Variants in LRRC37A2 observed in about 807,000 individuals in gnomAD.
LRRC37A2 encodes the protein leucine-rich repeat-containing protein 37A2.
A neutral mutation model predicts 68.8 loss-of-function variants in LRRC37A2; 9 were observed. The ratio of observed to expected loss-of-function variants is 0.13; its 90% CI spans 0.08 to 0.23. The LOEUF (loss-of-function observed/expected upper bound fraction) is 0.23, where lower values mean the gene tolerates loss of function less well. Among genes scored for constraint, LRRC37A2 ranks in the 10% least tolerant of loss-of-function variants. LRRC37A2 has a pLI of 1.00. For synonymous variants in LRRC37A2, 63 were observed against 367.6 expected (o/e 0.17, Z 9.48); for missense variants, 168 against 950.4 (o/e 0.18, Z 10.82).
chr17:46,777,084 C>G, the LRRC37A2 span, among the ~76,000 whole-genome samples: 2 of 152,238 alleles, frequency 1.3e-5, no homozygotes, highest in Non-Finnish European at 2.9e-5. Flanking sequence ...GTGGCTCACG[C>G]CTGTAATCCC....
the LRRC37A2 span, chr17:46,757,076 G>C: frequency 6.6e-6 from 1 of 152,210 alleles, no homozygotes; most frequent in Non-Finnish European, 1.5e-5. Context: ...CACCCATGAG[G>C]CTTGTGGCCA....
the LRRC37A2 span, among the ~76,000 whole-genome samples, chr17:46,808,396 C>G: frequency 6.6e-6 from 1 of 152,232 alleles, no homozygotes; most frequent in African/African-American, 2.4e-5. Context: ...CAAGTGTAAA[C>G]TTGTCTCAAA....
chr17:46,713,961 C>T, the LRRC37A2 span: 8 of 1,604,978 alleles, frequency 5.0e-6, no homozygotes, highest in Non-Finnish European at 4.2e-6. Flanking sequence ...TTTTCTGAAA[C>T]AGCCAAATGT....
chr17:46,951,712 A>G, the LRRC37A2 span, among the ~76,000 whole-genome samples: 1 of 151,936 alleles, frequency 6.6e-6, no homozygotes, highest in African/African-American at 2.4e-5. Context: ...CCCCAAAGTC[A>G]GATAGTGACA....
chr17:46,905,080 T>C, the LRRC37A2 span, among the ~76,000 whole-genome samples: 2 of 145,282 alleles, frequency 1.4e-5, no homozygotes, highest in Admixed American at 1.4e-4. Flanking sequence ...TTTTTTTTTC[T>C]TTTTTTTTTG....
the LRRC37A2 span, among the ~76,000 whole-genome samples, chr17:46,838,487 C>G: frequency 6.6e-6 from 1 of 151,922 alleles, no homozygotes; most frequent in African/African-American, 2.4e-5. Context: ...ATTAGCTGGG[C>G]ATGGTGGTAT....
chr17:46,737,639 G>T, the LRRC37A2 span, among the ~76,000 whole-genome samples: 1 of 151,698 alleles, frequency 6.6e-6, no homozygotes, highest in South Asian at 2.1e-4. Flanking sequence ...TGGTGTCCCT[G>T]TCACAATCCA....
the LRRC37A2 span, among the ~76,000 whole-genome samples, chr17:46,974,403 G>A: frequency 6.6e-6 from 1 of 152,214 alleles, no homozygotes; most frequent in Non-Finnish European, 1.5e-5. Flanking sequence ...AATTAGAGGA[G>A]CATCTGCTCC....
chr17:46,915,250 G>A, the LRRC37A2 span, among the ~76,000 whole-genome samples: 4 of 152,152 alleles, frequency 2.6e-5, no homozygotes, highest in African/African-American at 9.7e-5. Context: ...GGTGGGAATG[G>A]CTGGAAGACT....
chr17:46,770,095 G>A, the LRRC37A2 span: 2 of 1,498,920 alleles, frequency 1.3e-6, no homozygotes, highest in Non-Finnish European at 1.8e-6. Flanking sequence ...CGGCCTGGGA[G>A]CGCCTGCCCT....
At chr17:47,017,761 C>T in the LRRC37A2 span, 57 of 1,610,454 alleles carry the variant, frequency 3.5e-5, no homozygotes, top group East Asian at 2.9e-4. Flanking sequence ...ACAGATACAC[C>T]GTATCCCGGT....
At chr17:47,011,574 T>G in the LRRC37A2 span, among the ~76,000 whole-genome samples, 2 of 151,056 alleles carry the variant, frequency 1.3e-5, no homozygotes, top group Non-Finnish European at 3.0e-5. Flanking sequence ...AAAGTTGTTT[T>G]TTTTTTTTTA....
At chr17:46,389,329 T>A in the LRRC37A2 span, among the ~76,000 whole-genome samples, 1 of 92,398 alleles carries the variant, frequency 1.1e-5, no homozygotes, top group African/African-American at 4.5e-5. Flanking sequence ...ATGGAAAAAG[T>A]CTATCAGGCA....
chr17:46,908,428 G>C, the LRRC37A2 span, among the ~76,000 whole-genome samples: 3 of 152,212 alleles, frequency 2.0e-5, no homozygotes, highest in Non-Finnish European at 4.4e-5. Context: ...AATAGGGTAA[G>C]GGAGGAAGGG....
chr17:46,816,127 A>ACACACGCACG, the LRRC37A2 span, among the ~76,000 whole-genome samples: 1 of 128,352 alleles, frequency 7.8e-6, no homozygotes, highest in African/African-American at 3.1e-5. Context: ...ACACACACAC[A>ACACACGCACG]CACTCACACA....
the LRRC37A2 span, among the ~76,000 whole-genome samples, chr17:46,811,257 C>T: frequency 6.9e-5 from 7 of 101,006 alleles, 1 homozygote; most frequent in East Asian, 7.7e-4. Context: ...TAGGTGTCAT[C>T]GGGCGGGTTG....
chr17:46,876,008 G>A, the LRRC37A2 span, among the ~76,000 whole-genome samples: 1 of 152,344 alleles, frequency 6.6e-6, no homozygotes, highest in South Asian at 2.1e-4. Flanking sequence ...CTGAGTTGGT[G>A]TGAACCGGGG....
At chr17:46,534,535 A>G (rs2054283260) in intron 6 of LRRC37A2, among the ~76,000 whole-genome samples, 1 of 148,036 alleles carries the variant, frequency 6.8e-6, no homozygotes, top group Non-Finnish European at 1.5e-5. Flanking sequence ...GATCAACAGC[A>G]TCCCAAGGCA....
At chr17:46,975,912 A>G in the LRRC37A2 span, among the ~76,000 whole-genome samples, 1 of 133,854 alleles carries the variant, frequency 7.5e-6, no homozygotes, top group Non-Finnish European at 1.7e-5. Context: ...AGGAAAGAAA[A>G]TGATAAAAGT....
Sources: allele counts gnomAD v4.1 joint callset (sites outside exome capture counted in the v4.1 genomes callset), GRCh38; gene constraint gnomAD v4.1.1; transcripts MANE v1.5; gene names NCBI Gene and HGNC (gene_info 2026-07-23, HGNC 2026-07-21).